ERC2: variants seen among roughly 807,000 people sequenced by gnomAD.
ERC2 encodes the protein ELKS/RAB6-interacting/CAST family member 2, also known as ERC protein 2.
ERC2 carries 42 observed loss-of-function variants against 114.8 expected under a neutral mutation model. The observed-to-expected ratio is 0.37, with a 90% CI of 0.29 to 0.47. ERC2 has a LOEUF of 0.47. Among genes scored for constraint, ERC2 ranks in the 20% least tolerant of loss-of-function variants. The pLI is 0.99. For synonymous variants in ERC2, 454 were observed against 425.5 expected (o/e 1.07, Z -0.82); for missense variants, 939 against 1,150.7 (o/e 0.82, Z 2.66).
At chr3:55,922,313 T>C (rs952394420) in intron 13 of ERC2, among the ~76,000 whole-genome samples, 4 of 151,840 alleles carry the variant, frequency 2.6e-5, no homozygotes, top group Admixed American at 6.6e-5. Context: ...GTAATTATGG[T>C]GAGATAATCA....
In ERC2 at chr3:56,187,558, A is replaced by G. The variant is rs773075435; in HGVS notation, c.1075-14038T>C. The stretch of plus-strand genomic sequence containing the variant: ...CACATACACGCATCCACACACTAAA[A>G]TTAATTAAGCATCTACTATTTGTTA... On this transcript the variant is annotated intron_variant, in intron 3 of 17. Transcript: ENST00000288221. Among the ~76,000 whole-genome samples the G allele has an allele frequency of 1.8e-4, 28 of 152,216 alleles. 1 individual carries two copies. Among genetic ancestry groups the G allele is most frequent in the Non-Finnish European group, 3.7e-4 (25 of 68,036 alleles).
At chr3:56,308,793 AG>A (rs1216562915) in intron 2 of ERC2, among the ~76,000 whole-genome samples, 1 of 142,096 alleles carries the variant, frequency 7.0e-6, no homozygotes, top group Non-Finnish European at 1.6e-5. Context: ...AAAGTCGTGA[AG>A]TTTTTTTTTT....
At chr3:56,429,618 G>C (rs2061709385) in intron 2 of ERC2, among the ~76,000 whole-genome samples, 2 of 152,190 alleles carry the variant, frequency 1.3e-5, no homozygotes, top group African/African-American at 4.8e-5. Flanking sequence ...ACAAGCACAT[G>C]ATTCTAAATT....
intron 14 of ERC2, among the ~76,000 whole-genome samples, chr3:55,864,158 CATATATATACACATAT>C (rs1379159841): frequency 1.8e-5 from 2 of 112,992 alleles, no homozygotes; most frequent in Non-Finnish European, 3.6e-5. Flanking sequence ...TATATATACA[CATATATATACACATAT>C]ATATATACAC....
chr3:56,385,982 G>A (rs1433434552), intron 2 of ERC2, among the ~76,000 whole-genome samples: 1 of 152,110 alleles, frequency 6.6e-6, no homozygotes, highest in African/African-American at 2.4e-5. Flanking sequence ...CAAAAGGAAA[G>A]CATTATGAAC....
rs559576502 is a variant in ERC2 at position 56,229,459 on chromosome 3, G to A, written c.1075-55939C>T. ...TCACACTGTTAATAAATATCCAACC[G>A]GAATGGAACTAGGACTCTTTCATAC... On this transcript the variant is annotated intron_variant, in intron 3 of 17. Coordinates refer to ENST00000288221, the MANE Select transcript of ERC2 (RefSeq NM_015576.3). Among the ~76,000 whole-genome samples the A allele has an allele frequency of 1.8e-3, 275 of 152,232 alleles. 1 individual carries two copies. Among genetic ancestry groups the A allele is most frequent in the Middle Eastern group, 3.4e-3 (1 of 294 alleles).
At chr3:56,199,190 G>A (rs1362905172) in intron 3 of ERC2, among the ~76,000 whole-genome samples, 3 of 152,132 alleles carry the variant, frequency 2.0e-5, no homozygotes, top group Non-Finnish European at 4.4e-5. Flanking sequence ...CAAACAGGGT[G>A]TTGAGGCCAA....
chr3:55,645,018 G>T (rs1350253212), intron 17 of ERC2, among the ~76,000 whole-genome samples: 3 of 152,074 alleles, frequency 2.0e-5, no homozygotes, highest in African/African-American at 4.8e-5. Flanking sequence ...AATACACAAG[G>T]TTCTCCTTAC....
intron 1 of ERC2, among the ~76,000 whole-genome samples, chr3:56,454,820 C>T (rs1434126864): frequency 7.6e-6 from 1 of 132,358 alleles, no homozygotes; most frequent in African/African-American, 2.9e-5. Context: ...GACTCTGTCA[C>T]TGCACTCCCA....
intron 6 of ERC2, among the ~76,000 whole-genome samples, chr3:56,081,474 G>A (rs115535650): frequency 0.01 from 1,561 of 151,898 alleles, 23 homozygotes; most frequent in African/African-American, 0.035. Context: ...TTGCCAAGAG[G>A]ACACTCATGC....
At chr3:55,862,543 T>TA (rs776644586) in intron 14 of ERC2, among the ~76,000 whole-genome samples, 2 of 152,206 alleles carry the variant, frequency 1.3e-5, no homozygotes, top group Non-Finnish European at 2.9e-5. Context: ...TCTCCAGACT[T>TA]GACTGTTACG....
chr3:56,065,205 C>G (rs1038956150), intron 7 of ERC2, among the ~76,000 whole-genome samples: 1 of 152,086 alleles, frequency 6.6e-6, no homozygotes, highest in Admixed American at 6.6e-5. Context: ...AAAACATCAT[C>G]AAGACTCCCA....
intron 13 of ERC2, among the ~76,000 whole-genome samples, chr3:55,921,027 A>T (rs1251310071): frequency 6.6e-6 from 1 of 152,120 alleles, no homozygotes; most frequent in African/African-American, 2.4e-5. Context: ...GGGAATGCAG[A>T]AACCTCTGAG....
intron 3 of ERC2, among the ~76,000 whole-genome samples, chr3:56,240,120 T>C (rs973068316): frequency 6.6e-6 from 1 of 152,238 alleles, no homozygotes; most frequent in Admixed American, 6.5e-5. Context: ...AAAACACACA[T>C]ATTCTAACAC....
intron 13 of ERC2, among the ~76,000 whole-genome samples, chr3:55,920,598 T>C (rs1340517513): frequency 6.6e-6 from 1 of 152,140 alleles, no homozygotes; most frequent in East Asian, 1.9e-4. Flanking sequence ...TATCTTGTTA[T>C]CTTAATTCTA....
intron 7 of ERC2, among the ~76,000 whole-genome samples, chr3:56,025,418 A>T (rs553828909): frequency 9.2e-5 from 14 of 152,224 alleles, no homozygotes; most frequent in Non-Finnish European, 1.3e-4. Context: ...CTAAGTTCCC[A>T]TCTTGAATCT....
rs185511218 is a variant in ERC2, at chr3:55,907,597, C to T, written c.2404-19048G>A. 8.5e-5 allele frequency among the ~76,000 whole-genome samples: 13 copies of T among 152,300 alleles called. No individual in the cohort carries two copies. In the East Asian group the frequency reaches 2.5e-3, roughly 29 times the overall value. On this transcript the variant is annotated intron_variant, in intron 13 of 17. Coordinates refer to ENST00000288221, the MANE Select transcript of ERC2 (RefSeq NM_015576.3). ...AGCTACAGAAGGGCATTCCTGCCCACCCCATAGTTTTCAGTGTGATGGGAG... is the reference window on the plus strand; with the variant it reads ...AGCTACAGAAGGGCATTCCTGCCCATCCCATAGTTTTCAGTGTGATGGGAG...
chr3:55,599,515 T>C (rs932859451), intron 17 of ERC2, among the ~76,000 whole-genome samples: 3 of 152,202 alleles, frequency 2.0e-5, no homozygotes, highest in African/African-American at 7.2e-5. Flanking sequence ...CATGGTTCAT[T>C]ATGTGTGTGT....
chr3:56,368,032 G>A (rs1008409506), intron 2 of ERC2, among the ~76,000 whole-genome samples: 1 of 150,344 alleles, frequency 6.7e-6, no homozygotes, highest in African/African-American at 2.4e-5. Context: ...AAGTAGACTT[G>A]ACCAAAAACT....
Sources: gnomAD v4.1 joint callset for allele counts (sites outside exome capture counted in the v4.1 genomes callset) on GRCh38, gnomAD v4.1.1 for gene constraint, MANE v1.5 for transcripts, NCBI Gene and HGNC (gene_info 2026-07-23, HGNC 2026-07-21) for gene names.